The following SLC24A4 variants were observed in gnomAD, a reference collection of about 807,000 sequenced individuals.
The protein encoded by SLC24A4 is sodium/potassium/calcium exchanger 4.
In SLC24A4, 53 loss-of-function variants were observed where a neutral mutation model predicts 79.0. The ratio of observed to expected loss-of-function variants is 0.67; its 90% CI spans 0.54 to 0.84. The LOEUF (loss-of-function observed/expected upper bound fraction) is 0.84, where lower values mean the gene tolerates loss of function less well. SLC24A4 is among the 40% of genes least tolerant of loss of function. The pLI is 0.00. For missense variants in SLC24A4, 731 were observed against 822.0 expected, an observed-to-expected ratio of 0.89 and a Z score of 1.35; for synonymous variants, 323 against 323.8, an observed-to-expected ratio of 1.00 and a Z score of 0.03.
At chr14:92,427,948 G>A (rs1891658149) in intron 2 of SLC24A4, among the ~76,000 whole-genome samples, 1 of 152,200 alleles carries the variant, frequency 6.6e-6, no homozygotes. Context: ...CACTGTGTGA[G>A]GATGCAGAGA....
At chr14:92,383,722 C>T (rs1003266052) in intron 2 of SLC24A4, among the ~76,000 whole-genome samples, 4 of 152,278 alleles carry the variant, frequency 2.6e-5, no homozygotes, top group East Asian at 3.9e-4. Flanking sequence ...TGGGCTTGAC[C>T]GTGAGCGTAT....
chr14:92,482,554 C>CAGA, intron 12 of SLC24A4, 126 bp from the exon 13 acceptor site: 1 of 861,640 alleles, frequency 1.2e-6, no homozygotes, highest in Non-Finnish European at 1.8e-6. Flanking sequence ...AGGTCAGTTG[C>CAGA]CTAGAGTCAC....
intron 7 of SLC24A4, among the ~76,000 whole-genome samples, chr14:92,443,874 C>T (rs914721094): frequency 2.6e-5 from 4 of 152,164 alleles, no homozygotes; most frequent in Non-Finnish European, 4.4e-5. Context: ...TGGCTGTGGG[C>T]AGGGCTTGGG....
chr14:92,335,943 A>T (rs1320862064), intron 2 of SLC24A4, among the ~76,000 whole-genome samples: 1 of 152,142 alleles, frequency 6.6e-6, no homozygotes, highest in Admixed American at 6.5e-5. Flanking sequence ...GCAAACACCT[A>T]TGTGGGCCGT....
intron 16 of SLC24A4, among the ~76,000 whole-genome samples, chr14:92,493,201 C>T (rs906241823): frequency 2.0e-5 from 3 of 152,096 alleles, no homozygotes; most frequent in Admixed American, 6.5e-5. Context: ...GAGGAAGTGA[C>T]GTGCCTGCCT....
At chr14:92,433,739 T>C (rs1892003979) in intron 2 of SLC24A4, among the ~76,000 whole-genome samples, 173 bp from the exon 3 acceptor site, 1 of 152,204 alleles carries the variant, frequency 6.6e-6, no homozygotes, top group Non-Finnish European at 1.5e-5. Flanking sequence ...ATCCAGCAAC[T>C]ATTTCCTGAG....
chr14:92,368,704 G>T (rs1887989741), intron 2 of SLC24A4, among the ~76,000 whole-genome samples: 1 of 152,172 alleles, frequency 6.6e-6, no homozygotes, highest in African/African-American at 2.4e-5. Context: ...TGCTGCAGGG[G>T]CTCTGAGGGT....
chr14:92,459,394 G>A (rs1595317812), intron 12 of SLC24A4, among the ~76,000 whole-genome samples: 1 of 152,292 alleles, frequency 6.6e-6, no homozygotes, highest in East Asian at 1.9e-4. Flanking sequence ...TGGCTCCTGG[G>A]TCCAGGTTCT....
At chr14:92,400,728 G>C (rs1395653436) in intron 2 of SLC24A4, among the ~76,000 whole-genome samples, 3 of 152,158 alleles carry the variant, frequency 2.0e-5, no homozygotes, top group Admixed American at 6.5e-5. Flanking sequence ...AATTCATTTG[G>C]TTCCCTCTGA....
chr14:92,500,927 G>A lies in SLC24A4; in HGVS notation c.*7299G>A, dbSNP rs981714601. The A allele has an allele frequency of 6.6e-6, 1 of 152,438 alleles. No individual in the cohort carries two copies. The highest frequency in any genetic ancestry group is 2.4e-5 in the African/African-American group (1 of 41,570). 9.4% of individuals were successfully genotyped at this position (152,438 alleles called of 1,614,324 possible). On this transcript the variant is annotated 3_prime_UTR_variant, in exon 17 of 17. Transcript: ENST00000532405. The stretch of plus-strand genomic sequence containing the variant: ...TACAGGAGTTGCTAAGGAAGGGGCC[G>A]AGCCAGGAGAGGCCAGGCAGATCCA...
At chr14:92,481,525 G>T (rs1425483800) in intron 12 of SLC24A4, among the ~76,000 whole-genome samples, 1 of 152,214 alleles carries the variant, frequency 6.6e-6, no homozygotes, top group Admixed American at 6.5e-5. Flanking sequence ...CTGTGGGAAT[G>T]AACTTGGGAG....
chr14:92,341,294 A>G (rs982508677), intron 2 of SLC24A4, among the ~76,000 whole-genome samples: 2 of 152,118 alleles, frequency 1.3e-5, no homozygotes, highest in South Asian at 2.1e-4. Context: ...GACGTGAACA[A>G]TACTCTGAGA....
intron 2 of SLC24A4, among the ~76,000 whole-genome samples, chr14:92,346,611 T>C (rs149110843): frequency 9.6e-4 from 146 of 152,336 alleles, no homozygotes; most frequent in African/African-American, 3.5e-3. Flanking sequence ...ATTGCAGTAA[T>C]AGCTGCTTGC....
chr14:92,497,934 T>A lies in SLC24A4; in HGVS notation c.*4306T>A, dbSNP rs569339599. ...CTCAGGAGATTGTACCCAAATGCCA[T>A]GCTCTAAATATTCATGGTCTCTCTA... is the stretch of plus-strand genomic sequence containing the variant. On this transcript the variant is annotated 3_prime_UTR_variant, in exon 17 of 17. Transcript: ENST00000532405. 6.6e-6 allele frequency: 1 copy of A among 152,340 alleles called. No individual in the cohort carries two copies. The highest frequency in any genetic ancestry group is 1.5e-5 in the Non-Finnish European group (1 of 68,054). 9.4% of individuals were successfully genotyped at this position (152,340 alleles called of 1,614,324 possible).
chr14:92,484,534 G>A, intron 13 of SLC24A4: 1 of 985,414 alleles, frequency 1.0e-6, no homozygotes, highest in Non-Finnish European at 1.2e-6. Context: ...GCTCAGGATG[G>A]ACTCTGTGAT....
chr14:92,325,965 C>G lies in SLC24A4; in HGVS notation c.228C>G (p.Asn76Lys). The G allele has an allele frequency of 6.2e-7, 1 of 1,608,440 alleles. No individual in the cohort carries two copies. Among genetic ancestry groups the G allele is most frequent in the Non-Finnish European group, 8.5e-7 (1 of 1,175,640 alleles). ...TGAATGGGACACAGACAGCCAAGAA[C>G]TGCACAGATCCTGGTAAGAAATCAA... ...APVNGTQTAK[N>K]CTDPAIHEFP... Residue 76 changes from asparagine (N) to lysine (K), a missense_variant, in exon 2 of 17, where the codon AAC becomes AAG. Transcript: ENST00000532405.
intron 2 of SLC24A4, among the ~76,000 whole-genome samples, chr14:92,415,760 T>C (rs1225779895): frequency 6.6e-6 from 1 of 151,564 alleles, no homozygotes; most frequent in Non-Finnish European, 1.5e-5. Flanking sequence ...GCCCGGCCTC[T>C]ATGTTTTTAT....
chr14:92,479,797 A>C (rs1233020132), intron 12 of SLC24A4, among the ~76,000 whole-genome samples: 2 of 152,180 alleles, frequency 1.3e-5, no homozygotes, highest in African/African-American at 2.4e-5. Flanking sequence ...ATTCTTCTTT[A>C]AACATTTGGT....
chr14:92,449,303 CA>C (rs1454064309), intron 10 of SLC24A4, 87 bp downstream of exon 10: 3 of 1,294,134 alleles, frequency 2.3e-6, no homozygotes, highest in Non-Finnish European at 2.1e-6. Flanking sequence ...CACACACACA[CA>C]CACACACACA....
Sources: allele counts gnomAD v4.1 joint callset (sites outside exome capture counted in the v4.1 genomes callset), GRCh38; gene constraint gnomAD v4.1.1; transcripts MANE v1.5; gene names NCBI Gene and HGNC (gene_info 2026-07-23, HGNC 2026-07-21).